Variants in FASTKD1 observed in about 807,000 individuals in gnomAD.
FASTKD1 encodes the protein FAST kinase domains 1.
FASTKD1 carries 94 observed loss-of-function variants against 90.9 expected under a neutral mutation model. The ratio of observed to expected loss-of-function variants is 1.03; its 90% CI spans 0.88 to 1.23. FASTKD1 has a LOEUF of 1.23. FASTKD1 is among the 50% of genes most tolerant of loss of function. The pLI, the probability that FASTKD1 is intolerant of heterozygous loss-of-function variation, is 0.00. For synonymous variants in FASTKD1, 319 were observed against 345.8 expected, an observed-to-expected ratio of 0.92 and a Z score of 0.86; for missense variants, 945 against 993.5, an observed-to-expected ratio of 0.95 and a Z score of 0.66.
In FASTKD1 at chr2:169,572,161, A is replaced by T. The variant is rs1574420185; in HGVS notation, c.-132T>A. ...TTACAATGACTGTAAACGCATTCCA[A>T]TGTACAGCTTCTATAAAAGAATTGG... On this transcript the variant is annotated 5_prime_UTR_variant, in exon 2 of 15. The change creates a new upstream start codon in the 5' untranslated region. Coordinates refer to ENST00000453153, the MANE Select transcript of FASTKD1 (RefSeq NM_024622.6). The T allele has an allele frequency of 2.4e-5, 24 of 1,007,336 alleles. 1 individual carries two copies. In the East Asian group the frequency reaches 6.3e-4, roughly 26 times the overall value. The allele number at this position is 1,007,336 out of a possible 1,614,324, so 62.4% of individuals were successfully genotyped here. A position where few individuals can be genotyped will look rare whatever the true frequency, so the allele number is the denominator to read the frequency against.
chr2:169,572,357 T>C (rs1277040963), intron 1 of FASTKD1, among the ~76,000 whole-genome samples, 186 bp from the exon 2 acceptor site: 1 of 152,068 alleles, frequency 6.6e-6, no homozygotes, highest in African/African-American at 2.4e-5. Flanking sequence ...GCACCCCATT[T>C]TAAAAGTGTT....
chr2:169,551,023 T>A (rs1316985301), intron 7 of FASTKD1, among the ~76,000 whole-genome samples: 1 of 152,200 alleles, frequency 6.6e-6, no homozygotes, highest in Non-Finnish European at 1.5e-5. Flanking sequence ...TTGTCAAAGC[T>A]TAGATATTTG....
intron 3 of FASTKD1, among the ~76,000 whole-genome samples, chr2:169,567,904 A>G (rs929554298): frequency 1.3e-5 from 2 of 152,180 alleles, no homozygotes; most frequent in Non-Finnish European, 2.9e-5. Flanking sequence ...AAAAAATTCA[A>G]AGTTTTCAGA....
At chr2:169,534,977 AT>A (rs952917943) in intron 12 of FASTKD1, among the ~76,000 whole-genome samples, 21 of 150,284 alleles carry the variant, frequency 1.4e-4, no homozygotes, top group South Asian at 4.2e-4. Context: ...GTCTCATGTA[AT>A]TTTTTTTTAA....
chr2:169,536,150 C>G (rs1234888862), intron 12 of FASTKD1, among the ~76,000 whole-genome samples: 1 of 152,098 alleles, frequency 6.6e-6, no homozygotes, highest in African/African-American at 2.4e-5. Flanking sequence ...TGAGCACTTA[C>G]TATGTTCCAA....
chr2:169,530,869 CTATT>C, intron 13 of FASTKD1, 168 bp from the exon 14 acceptor site: 3 of 664,890 alleles, frequency 4.5e-6, no homozygotes, highest in Non-Finnish European at 8.2e-6. Flanking sequence ...GATGACAAAC[CTATT>C]TAGTTACACA....
chr2:169,546,648 G>A lies in FASTKD1; in HGVS notation c.1271C>T (p.Ser424Phe). ...TEVSVLVRAI[S>F]LLPSPHLDEV... ...GTCCAAGTGAGGAGAAGGGAGCAGG[G>A]AAATAGCACGGACCAGAACAGACAC... is the stretch of plus-strand genomic sequence containing the variant. The change falls in exon 8 of 15, where the codon TCC (serine) becomes TTC (phenylalanine). Residue 424 changes from serine to phenylalanine, a missense_variant. By Grantham distance (155) the Ser-to-Phe change is radical. Transcript: ENST00000453153. The A allele has an allele frequency of 1.2e-6, 2 of 1,614,076 alleles. No individual in the cohort carries two copies. Among genetic ancestry groups the A allele is most frequent in the Non-Finnish European group, 1.7e-6 (2 of 1,180,014 alleles).
chr2:169,565,363 C>G (rs1231460436), intron 3 of FASTKD1, among the ~76,000 whole-genome samples: 1 of 147,238 alleles, frequency 6.8e-6, no homozygotes, highest in Admixed American at 7.0e-5. Context: ...CCCGAGTTCA[C>G]GCCATTCTCC....
At position 169,546,284 on chromosome 2, in the gene FASTKD1, A is replaced by C; in HGVS notation, c.1635T>G (p.Ser545Arg). Residue 545 changes from serine to arginine, a missense_variant, in exon 8 of 15, where the codon AGT (serine) becomes AGG (arginine). Coordinates refer to ENST00000453153, the MANE Select transcript of FASTKD1 (RefSeq NM_024622.6). ...NVGEIASFIS[S>R]TDYLSTLLLD... Reference sequence around the variant, plus strand: ...GTAGCAAAGTACTGAGGTAATCAGTACTAGAAATAAAAGATGCAATCTCCC... The same window carrying C: ...GTAGCAAAGTACTGAGGTAATCAGTCCTAGAAATAAAAGATGCAATCTCCC... The C allele has an allele frequency of 1.2e-6, 2 of 1,613,668 alleles. No homozygotes were observed. Among genetic ancestry groups the C allele is most frequent in the South Asian group, 2.2e-5 (2 of 91,026 alleles).
Position 169,546,200 on chromosome 2 carries a change from C to A in FASTKD1, c.1701+18G>T. ...GTTGACAACTCTATAAAATTAATGT[C>A]TACCATTTAAATTTCACCTTTTCAA... On this transcript the variant is annotated intron_variant, in intron 8 of 14. Transcript: ENST00000453153. 6.6e-7 allele frequency: 1 copy of A among 1,521,180 alleles called. No homozygotes were observed. Among genetic ancestry groups the A allele is most frequent in the Non-Finnish European group, 8.8e-7 (1 of 1,136,910 alleles). The allele number at this position is 1,521,180 out of a possible 1,614,324, so 94.2% of individuals were successfully genotyped here.
chr2:169,565,493 A>G (rs1479279500), intron 3 of FASTKD1, among the ~76,000 whole-genome samples: 1 of 148,548 alleles, frequency 6.7e-6, no homozygotes, highest in Non-Finnish European at 1.5e-5. Context: ...CGATCTCCTG[A>G]CCTCATGATC....
chr2:169,569,099 T>C, intron 3 of FASTKD1, 85 bp downstream of exon 3: 1 of 1,086,820 alleles, frequency 9.2e-7, no homozygotes, highest in Non-Finnish European at 1.4e-6. Flanking sequence ...CAGGCATCAG[T>C]TCCCTGTTCT....
At chr2:169,545,441 C>T (rs1685148921) in intron 8 of FASTKD1, among the ~76,000 whole-genome samples, 1 of 152,092 alleles carries the variant, frequency 6.6e-6, no homozygotes, top group Non-Finnish European at 1.5e-5. Context: ...GACTTCCAGG[C>T]ACTATACTAA....
chr2:169,546,498 G>C lies in FASTKD1; in HGVS notation c.1421C>G (p.Ala474Gly). 1 of 1,614,006 alleles carries C rather than the reference G, an allele frequency of 6.2e-7. No homozygotes were observed. Among genetic ancestry groups the C allele is most frequent in the Non-Finnish European group, 8.5e-7 (1 of 1,180,000 alleles). The change falls in exon 8 of 15, where the codon GCG (alanine) becomes GGG (glycine). Residue 474 changes from alanine (A) to glycine (G), a missense_variant. Ala to Gly is a moderately conservative substitution (Grantham distance 60). Transcript: ENST00000453153. ...HDHMYLDNMT[A>G]KQLKLLQKLD... Reference sequence around the variant, plus strand: ...TTTTTGAAGTAGTTTCAGTTGTTTCGCAGTCATATTATCCAAATACATGTG... The same window carrying C: ...TTTTTGAAGTAGTTTCAGTTGTTTCCCAGTCATATTATCCAAATACATGTG...
Position 169,572,971 on chromosome 2 carries a change from AT to A in FASTKD1, c.-143+697del, listed in dbSNP as rs550899655. ...TTACAAAGAACGTTTGAAACACATT[AT>A]CTCATTAAATTCTCTCAGCTAACCT... On this transcript the variant is annotated intron_variant, in intron 1 of 14. Transcript: ENST00000453153. 2.2e-3 allele frequency: 333 copies of A among 152,320 alleles called. 1 individual carries two copies. Among genetic ancestry groups the A allele is most frequent in the African/African-American group, 7.6e-3 (315 of 41,578 alleles). 9.4% of individuals were successfully genotyped at this position (152,320 alleles called of 1,614,324 possible).
rs779295203 is a variant in FASTKD1 at position 169,538,110 on chromosome 2, C to T, written c.1977G>A (p.Gln659=). 13 of 1,607,746 alleles carry T rather than the reference C, an allele frequency of 8.1e-6. No homozygotes were observed. The Admixed American group carries it at 2.0e-4, about 25-fold the overall frequency. The change falls in exon 11 of 15, where the codon CAG becomes CAA. Residue 659 remains glutamine, a synonymous_variant. Transcript: ENST00000453153. ...ATCTATTTAACTCCATAAGATGAAA[C>T]TGGACTCTTGCACTTCGAGATGGAG... ...ILSPSRSARV[Q]FHLMELNRSV... is the part of the protein sequence containing the mutation.
chr2:169,549,000 G>C (rs998982809), intron 7 of FASTKD1, among the ~76,000 whole-genome samples: 1 of 151,868 alleles, frequency 6.6e-6, no homozygotes, highest in Non-Finnish European at 1.5e-5. Context: ...AGGAGGCTGA[G>C]ACAGGAGAAT....
rs764494909 is a variant in FASTKD1 at position 169,563,335 on chromosome 2, C to T, written c.462G>A (p.Leu154=). The part of the protein sequence containing the change: ...WRRLERFDIK[L]LSEFSSCLAD... Reference sequence around the variant, plus strand: ...CTAGGCAAGAGGAAAATTCTGAGAGCAGTTTAATATCAAACCTATTAAAGG... The same window carrying T: ...CTAGGCAAGAGGAAAATTCTGAGAGTAGTTTAATATCAAACCTATTAAAGG... The change falls in exon 4 of 15, where the codon CTG becomes CTA. Residue 154 remains leucine, a synonymous_variant. Transcript: ENST00000453153. 3 of 1,601,288 alleles carry T rather than the reference C, an allele frequency of 1.9e-6. No individual in the cohort carries two copies. The highest frequency in any genetic ancestry group is 2.6e-6 in the Non-Finnish European group (3 of 1,169,538).
chr2:169,554,518 A>G (rs1685655368), intron 7 of FASTKD1, among the ~76,000 whole-genome samples: 2 of 140,226 alleles, frequency 1.4e-5, no homozygotes, highest in African/African-American at 5.1e-5. Flanking sequence ...ACAAAAATTA[A>G]CAGGGTGTGG....
Sources: allele counts gnomAD v4.1 joint callset (sites outside exome capture counted in the v4.1 genomes callset), GRCh38; gene constraint gnomAD v4.1.1; transcripts MANE v1.5; gene names NCBI Gene and HGNC (gene_info 2026-07-23, HGNC 2026-07-21).